The following PTPRD variants were observed in gnomAD, a reference collection of about 807,000 sequenced individuals.
The protein encoded by PTPRD is receptor-type tyrosine-protein phosphatase delta.
A neutral mutation model predicts 214.5 loss-of-function variants in PTPRD; 34 were observed. The ratio of observed to expected loss-of-function variants is 0.16; its 90% CI spans 0.12 to 0.21. PTPRD has a LOEUF of 0.21. PTPRD is among the 10% of genes least tolerant of loss of function. PTPRD has a pLI of 1.00. For missense variants in PTPRD, 2,545 were observed against 2,398.7 expected (o/e 1.06, Z -1.27); for synonymous variants, 1,128 against 845.7 (o/e 1.33, Z -5.79).
intron 10 of PTPRD, among the ~76,000 whole-genome samples, chr9:9,105,123 T>C (rs1353053991): frequency 6.6e-6 from 1 of 152,184 alleles, no homozygotes; most frequent in Admixed American, 6.5e-5. Flanking sequence ...ATTTTAGGGA[T>C]GAAAGACATC....
intron 11 of PTPRD, among the ~76,000 whole-genome samples, chr9:8,849,163 A>G (rs192093955): frequency 2.7e-4 from 37 of 139,600 alleles, no homozygotes; most frequent in Non-Finnish European, 4.9e-4. Flanking sequence ...TACTCAACTC[A>G]AAAAAAAATT....
intron 8 of PTPRD, among the ~76,000 whole-genome samples, chr9:9,560,925 C>G (rs567723181): frequency 6.6e-6 from 1 of 152,094 alleles, no homozygotes; most frequent in Non-Finnish European, 1.5e-5. Context: ...TGGGCACGAG[C>G]AAGCCGAGCT....
chr9:10,192,915 TC>T (rs2099376561), intron 3 of PTPRD, among the ~76,000 whole-genome samples: 1 of 152,168 alleles, frequency 6.6e-6, no homozygotes, highest in Non-Finnish European at 1.5e-5. Context: ...CAGGGAGACA[TC>T]TACCTTATTT....
rs150262472 is a variant in PTPRD at position 10,470,747 on chromosome 9, C to T, written c.-599-129730G>A. 4.4e-3 allele frequency among the ~76,000 whole-genome samples: 663 copies of T among 152,256 alleles called. 7 individuals carry two copies. The highest frequency in any genetic ancestry group is 0.015 in the African/African-American group (632 of 41,558). ...TCCCCTCTGAGGCAGGGGAGAAAAA[C>T]TGCTTCTAGTAGAGAACCACTGGAA... On this transcript the variant is annotated intron_variant, in intron 2 of 45. Coordinates refer to ENST00000381196, the MANE Select transcript of PTPRD (RefSeq NM_002839.4).
intron 3 of PTPRD, among the ~76,000 whole-genome samples, chr9:10,114,621 T>C (rs1023936188): frequency 6.6e-6 from 1 of 152,074 alleles, no homozygotes; most frequent in African/African-American, 2.4e-5. Context: ...TGTGCATATA[T>C]GTATGTTTGC....
intron 10 of PTPRD, among the ~76,000 whole-genome samples, chr9:9,094,294 T>C (rs1001769508): frequency 6.6e-6 from 1 of 152,142 alleles, no homozygotes; most frequent in Non-Finnish European, 1.5e-5. Flanking sequence ...CATCAACCAA[T>C]GAGTGGATAA....
At chr9:8,566,730 T>TC (rs2089385866) in intron 14 of PTPRD, among the ~76,000 whole-genome samples, 1 of 152,180 alleles carries the variant, frequency 6.6e-6, no homozygotes, top group African/African-American at 2.4e-5. Flanking sequence ...CAAATTCATA[T>TC]CCATTGTGAA....
chr9:9,664,088 TAAAAA>T (rs71319290), intron 7 of PTPRD, among the ~76,000 whole-genome samples: 1 of 114,532 alleles, frequency 8.7e-6, no homozygotes, highest in Non-Finnish European at 1.8e-5. Context: ...CACTCCTGTG[TAAAAA>T]AAAAAAAAAA....
At chr9:9,024,334 C>CTTAGTT (rs1169168298) in intron 10 of PTPRD, among the ~76,000 whole-genome samples, 4 of 72,754 alleles carry the variant, frequency 5.5e-5, no homozygotes, top group African/African-American at 1.9e-4. Flanking sequence ...ATTGTCGATT[C>CTTAGTT]TTTGTTTTTT....
At chr9:10,537,147 A>G (rs2058015383) in intron 2 of PTPRD, among the ~76,000 whole-genome samples, 1 of 152,186 alleles carries the variant, frequency 6.6e-6, no homozygotes. Flanking sequence ...GCATGGCGAG[A>G]TCTATCAGAT....
At chr9:10,161,570 C>T (rs1002854172) in intron 3 of PTPRD, among the ~76,000 whole-genome samples, 6 of 151,650 alleles carry the variant, frequency 4.0e-5, no homozygotes, top group Admixed American at 2.0e-4. Context: ...AAATCTTAAT[C>T]GAAGACTTGA....
intron 3 of PTPRD, among the ~76,000 whole-genome samples, chr9:10,232,097 T>C (rs2099613483): frequency 2.0e-5 from 3 of 150,274 alleles, no homozygotes. Context: ...TGTGTCTGCT[T>C]CCCCTTTGAC....
At chr9:10,033,381 C>T (rs1291709529) in intron 4 of PTPRD, among the ~76,000 whole-genome samples, 2 of 151,730 alleles carry the variant, frequency 1.3e-5, no homozygotes, top group African/African-American at 4.8e-5. Flanking sequence ...GATCCTCACT[C>T]AGCTATTGCT....
intron 9 of PTPRD, among the ~76,000 whole-genome samples, chr9:9,269,622 AT>A (rs1194194854): frequency 6.6e-6 from 1 of 151,450 alleles, no homozygotes; most frequent in Non-Finnish European, 1.5e-5. Context: ...AGATGAATGT[AT>A]AAAGAAAATG....
chr9:8,468,468 T>A (rs1166205147), intron 31 of PTPRD, among the ~76,000 whole-genome samples: 1 of 151,994 alleles, frequency 6.6e-6, no homozygotes, highest in Admixed American at 6.6e-5. Flanking sequence ...CTACCCAGTT[T>A]GACCTTGACA....
intron 5 of PTPRD, among the ~76,000 whole-genome samples, chr9:9,825,895 C>G (rs917519011): frequency 1.4e-4 from 21 of 151,444 alleles, no homozygotes; most frequent in Non-Finnish European, 2.1e-4. Flanking sequence ...CACATTTATT[C>G]TTTTTTCTTT....
chr9:8,595,830 T>A (rs2094448066), intron 14 of PTPRD, among the ~76,000 whole-genome samples: 1 of 152,200 alleles, frequency 6.6e-6, no homozygotes, highest in African/African-American at 2.4e-5. Context: ...TGTGTTGACT[T>A]TTAAAAATTC....
chr9:9,758,148 C>CAAAAAAAAA (rs3050038), intron 6 of PTPRD, among the ~76,000 whole-genome samples: 1,720 of 114,484 alleles, frequency 0.015, 34 homozygotes, highest in East Asian at 0.042. Context: ...GTAAAAATGG[C>CAAAAAAAAA]AAAAAAAAAA....
At chr9:8,947,873 TCTC>T (rs899331732) in intron 11 of PTPRD, among the ~76,000 whole-genome samples, 7 of 152,110 alleles carry the variant, frequency 4.6e-5, no homozygotes, top group African/African-American at 1.7e-4. Context: ...TTTTAAGTAT[TCTC>T]CTTTTATTGG....
Sources: gnomAD v4.1 joint callset for allele counts (sites outside exome capture counted in the v4.1 genomes callset) on GRCh38, gnomAD v4.1.1 for gene constraint, MANE v1.5 for transcripts, NCBI Gene and HGNC (gene_info 2026-07-23, HGNC 2026-07-21) for gene names.